ZMIZ1: variants seen among roughly 807,000 people sequenced by gnomAD.
The protein encoded by ZMIZ1 is zinc finger MIZ domain-containing protein 1.
ZMIZ1 carries 17 observed loss-of-function variants against 113.9 expected under a neutral mutation model. The ratio of observed to expected loss-of-function variants is 0.15; its 90% CI spans 0.10 to 0.22. The LOEUF (loss-of-function observed/expected upper bound fraction) is 0.22, where lower values mean the gene tolerates loss of function less well. Ranked by LOEUF, ZMIZ1 falls within the 10% of genes least tolerant of loss-of-function variation. The pLI is 1.00. For missense variants in ZMIZ1, 1,059 were observed against 1,477.8 expected, an observed-to-expected ratio of 0.72 and a Z score of 4.65; for synonymous variants, 607 against 603.1, an observed-to-expected ratio of 1.01 and a Z score of -0.09.
At chr10:79,081,515 G>C (rs1046949291) in intron 1 of ZMIZ1, among the ~76,000 whole-genome samples, 5 of 152,314 alleles carry the variant, frequency 3.3e-5, no homozygotes, top group South Asian at 4.1e-4. Context: ...CCAGGAGGCT[G>C]AGAAGGCCGT....
At chr10:79,082,588 G>A (rs2132191284) in intron 1 of ZMIZ1, among the ~76,000 whole-genome samples, 1 of 152,350 alleles carries the variant, frequency 6.6e-6, no homozygotes, top group Non-Finnish European at 1.5e-5. Flanking sequence ...GAGAGGGAAG[G>A]AATCCAGCTG....
chr10:79,244,994 A>AT (rs1476007330), intron 7 of ZMIZ1, among the ~76,000 whole-genome samples: 2 of 152,134 alleles, frequency 1.3e-5, no homozygotes, highest in African/African-American at 4.8e-5. Context: ...TTTTTTGTGT[A>AT]TAAGCCAGGC....
intron 7 of ZMIZ1, among the ~76,000 whole-genome samples, chr10:79,266,353 G>A (rs1196572774): frequency 6.6e-6 from 1 of 152,206 alleles, no homozygotes; most frequent in Non-Finnish European, 1.5e-5. Context: ...CCGTTGTCCT[G>A]TGGAGTGACT....
chr10:79,205,012 G>A (rs1292750129), intron 5 of ZMIZ1, among the ~76,000 whole-genome samples: 4 of 151,858 alleles, frequency 2.6e-5, no homozygotes, highest in Non-Finnish European at 5.9e-5. Flanking sequence ...CGCATAGATG[G>A]ATGAATGGAT....
chr10:79,200,763 T>C (rs1444402855), intron 4 of ZMIZ1, among the ~76,000 whole-genome samples: 2 of 152,118 alleles, frequency 1.3e-5, no homozygotes, highest in Non-Finnish European at 2.9e-5. Flanking sequence ...GAGTGGTTTG[T>C]AAATTATGAA....
intron 2 of ZMIZ1, among the ~76,000 whole-genome samples, chr10:79,120,522 T>C (rs2066886950): frequency 6.6e-6 from 1 of 152,146 alleles, no homozygotes; most frequent in South Asian, 2.1e-4. Flanking sequence ...TGTGTGTATG[T>C]TGGGGAGGGT....
rs1211405324 is a variant in ZMIZ1, at chr10:79,069,175, G to A, written c.-432G>A. ...CAGGAGCCGGAGCCGAGCGGATCTC[G>A]GCGCCCTCGCTGCGCTCCTCCCGGC... On this transcript the variant is annotated 5_prime_UTR_variant, in exon 1 of 25. Coordinates refer to ENST00000334512, the MANE Select transcript of ZMIZ1 (RefSeq NM_020338.4). The surrounding 1 kb of genome is among the most constrained non-coding windows in gnomAD (Gnocchi z 4.6). The A allele has an allele frequency of 6.7e-6, 1 of 150,168 alleles. No homozygotes were observed. The highest frequency in any genetic ancestry group is 1.5e-5 in the Non-Finnish European group (1 of 67,354). The allele number at this position is 150,168 out of a possible 1,614,324, so 9.3% of individuals were successfully genotyped here. A position where few individuals can be genotyped will look rare whatever the true frequency, so the allele number is the denominator to read the frequency against.
intron 4 of ZMIZ1, among the ~76,000 whole-genome samples, chr10:79,191,576 A>C (rs1847604769): frequency 6.6e-6 from 1 of 152,138 alleles, no homozygotes; most frequent in Admixed American, 6.5e-5. Flanking sequence ...TGGGCCCAGC[A>C]CTGGACGGGC....
At chr10:79,277,722 C>G (rs550256460) in intron 8 of ZMIZ1, among the ~76,000 whole-genome samples, 1 of 152,280 alleles carries the variant, frequency 6.6e-6, no homozygotes, top group East Asian at 1.9e-4. Context: ...AGGCCAGCCA[C>G]CCTGGAGCCA....
At chr10:79,119,930 G>A (rs1564661988) in intron 2 of ZMIZ1, among the ~76,000 whole-genome samples, 1 of 146,936 alleles carries the variant, frequency 6.8e-6, no homozygotes, top group Non-Finnish European at 1.5e-5. Flanking sequence ...TCCTGGATTA[G>A]GTACCAACTG....
intron 17 of ZMIZ1, 111 bp from the exon 18 acceptor site, chr10:79,301,996 C>T (rs1476954741): frequency 1.9e-6 from 2 of 1,074,860 alleles, no homozygotes; most frequent in African/African-American, 1.6e-5. Flanking sequence ...CTGGGGGAGC[C>T]TCCTGGGCCG....
chr10:79,145,841 G>T (rs2132432040), intron 3 of ZMIZ1, among the ~76,000 whole-genome samples: 1 of 152,210 alleles, frequency 6.6e-6, no homozygotes, highest in East Asian at 1.9e-4. Flanking sequence ...TGAATACCTG[G>T]GACTATAGAT....
At chr10:79,301,631 G>A (rs1854306058) in intron 17 of ZMIZ1, among the ~76,000 whole-genome samples, 2 of 152,290 alleles carry the variant, frequency 1.3e-5, no homozygotes, top group South Asian at 4.1e-4. Flanking sequence ...CAGAGATAGG[G>A]GTCACAGACC....
chr10:79,264,545 G>A lies in ZMIZ1; in HGVS notation c.281-12636G>A, dbSNP rs76320733. ...AGAGCTCCTCCGCCATTGCCCTGCC[G>A]CCAGCAAATTTTTATCCCTAGGGTA... On this transcript the variant is annotated intron_variant, in intron 7 of 24. Coordinates refer to ENST00000334512, the MANE Select transcript of ZMIZ1 (RefSeq NM_020338.4). 2.2e-4 allele frequency among the ~76,000 whole-genome samples: 34 copies of A among 152,254 alleles called. No individual in the cohort carries two copies. The East Asian group carries it at 4.8e-3, about 22-fold the overall frequency.
chr10:79,270,974 T>C (rs888782951), intron 7 of ZMIZ1, among the ~76,000 whole-genome samples: 3 of 152,146 alleles, frequency 2.0e-5, no homozygotes, highest in African/African-American at 7.2e-5. Flanking sequence ...CACCGGCGCC[T>C]TGCCACCAGC....
intron 7 of ZMIZ1, among the ~76,000 whole-genome samples, chr10:79,223,834 C>G (rs953306397): frequency 6.6e-6 from 1 of 152,220 alleles, no homozygotes; most frequent in African/African-American, 2.4e-5. Context: ...TCCCCTCCCC[C>G]ACCTCCCTGA....
At chr10:79,168,580 T>C (rs1157137523) in intron 4 of ZMIZ1, among the ~76,000 whole-genome samples, 1 of 152,204 alleles carries the variant, frequency 6.6e-6, no homozygotes, top group African/African-American at 2.4e-5. Flanking sequence ...CCTCTGGGCA[T>C]AGCAACAAGG....
chr10:79,281,999 A>G (rs933122617), intron 8 of ZMIZ1, among the ~76,000 whole-genome samples: 1 of 152,172 alleles, frequency 6.6e-6, no homozygotes, highest in Non-Finnish European at 1.5e-5. Context: ...TTCCCATTTA[A>G]TAGCCCGTGT....
chr10:79,264,621 A>C (rs1210992251), intron 7 of ZMIZ1, among the ~76,000 whole-genome samples: 1 of 152,194 alleles, frequency 6.6e-6, no homozygotes, highest in Non-Finnish European at 1.5e-5. Context: ...TCAGGTGTGC[A>C]CTGAGGCACA....
Sources: allele counts gnomAD v4.1 joint callset (sites outside exome capture counted in the v4.1 genomes callset), GRCh38; gene constraint gnomAD v4.1.1; non-coding constraint Gnocchi (gnomAD v3.1); transcripts MANE v1.5; gene names NCBI Gene and HGNC (gene_info 2026-07-23, HGNC 2026-07-21).